CTBP1: variants seen among roughly 807,000 people sequenced by gnomAD.
CTBP1 encodes the protein C-terminal binding protein 1.
CTBP1 carries 11 observed loss-of-function variants against 42.1 expected under a neutral mutation model. That is an observed-to-expected ratio of 0.26 (90% CI 0.16 to 0.43). The LOEUF is 0.43. Among genes scored for constraint, CTBP1 ranks in the 20% least tolerant of loss-of-function variants. CTBP1 has a pLI of 1.00. For missense variants in CTBP1, 399 were observed against 624.3 expected, an observed-to-expected ratio of 0.64 and a Z score of 3.85; for synonymous variants, 324 against 277.1, an observed-to-expected ratio of 1.17 and a Z score of -1.68.
rs1308303470 is a variant in CTBP1, at chr4:1,248,811, G to C, written c.-189+105C>G. 3.8e-5 allele frequency: 35 copies of C among 928,414 alleles called. No homozygotes were observed. In the South Asian group the frequency reaches 7.4e-4, roughly 20 times the overall value. 57.5% of individuals were successfully genotyped at this position (928,414 alleles called of 1,614,324 possible). A position where few individuals can be genotyped will look rare whatever the true frequency, so the allele number is the denominator to read the frequency against. The stretch of plus-strand genomic sequence containing the variant: ...CGCGCACTCGCACACAAAGCCGGCG[G>C]CCCGCGGGCGCGCGCTCGGTCCGCC... On this transcript the variant is annotated intron_variant, in intron 1 of 9. Coordinates refer to ENST00000382952, the MANE Select transcript of CTBP1 (RefSeq NM_001012614.2).
At chr4:1,239,779 T>G (rs1027532308) in intron 2 of CTBP1, among the ~76,000 whole-genome samples, 3 of 152,186 alleles carry the variant, frequency 2.0e-5, no homozygotes, top group African/African-American at 7.2e-5. Context: ...CACTGGCCAT[T>G]CCACCCACTT....
intron 1 of CTBP1, among the ~76,000 whole-genome samples, chr4:1,246,688 G>A (rs1367564006): frequency 7.2e-5 from 11 of 152,214 alleles, no homozygotes. Flanking sequence ...GCAAGTGACA[G>A]TCAGAGGAGA....
intron 2 of CTBP1, among the ~76,000 whole-genome samples, chr4:1,239,300 C>T (rs1416482834): frequency 6.6e-6 from 1 of 152,198 alleles, no homozygotes; most frequent in Non-Finnish European, 1.5e-5. Flanking sequence ...GTCAGCCCCA[C>T]GGCAGCTGGG....
rs1731820545 is a variant in CTBP1 at position 1,238,568 on chromosome 4, C to G, written c.8-231G>C. On this transcript the variant is annotated intron_variant, in intron 2 of 9. Transcript: ENST00000382952. The surrounding 1 kb of genome is among the most constrained non-coding windows in gnomAD (Gnocchi z 5.9). ...ACAGACTGTGGACACCCACTACCAT[C>G]TCCCTTGGGCACAGGACCTCCGAGA... Among the ~76,000 whole-genome samples the G allele has an allele frequency of 6.6e-6, 1 of 152,112 alleles. No individual in the cohort carries two copies. Among genetic ancestry groups the G allele is most frequent in the South Asian group, 2.1e-4 (1 of 4,794 alleles).
intron 3 of CTBP1, among the ~76,000 whole-genome samples, chr4:1,229,982 G>A (rs1167519422): frequency 6.6e-6 from 1 of 152,196 alleles, no homozygotes; most frequent in Non-Finnish European, 1.5e-5. Flanking sequence ...CACCTCGGCT[G>A]CAGGAGGCAG....
chr4:1,249,833 C>T (rs1396718945), upstream of CTBP1: 3 of 211,580 alleles, frequency 1.4e-5, no homozygotes, highest in Non-Finnish European at 3.1e-5. Flanking sequence ...TGTAGCTAAC[C>T]AACGTCCTGA....
Position 1,214,464 on chromosome 4 carries a change from C to G in CTBP1, c.739G>C (p.Gly247Arg). The change falls in exon 7 of 10, where the codon GGG (glycine) becomes CGG (arginine). Residue 247 changes from glycine (G) to arginine (R), a missense_variant. Gly to Arg is a moderately radical substitution (Grantham distance 125). This residue lies in a region of CTBP1 where 309 missense variants were observed against 497.5 expected (regional missense o/e 0.62). Coordinates refer to ENST00000382952, the MANE Select transcript of CTBP1 (RefSeq NM_001012614.2). ...CGGGCTGTGTTCACCAGGAAGGCCC[C>G]TTGTCTCATCTAGAAGACATAAGGA... The part of the protein sequence containing the change: ...NDFTVKQMRQ[G>R]AFLVNTARGG... 1 of 1,588,060 alleles carries G rather than the reference C, an allele frequency of 6.3e-7. No homozygotes were observed. The highest frequency in any genetic ancestry group is 2.3e-5 in the East Asian group (1 of 42,608).
intron 1 of CTBP1, chr4:1,244,063 C>G: frequency 3.0e-6 from 3 of 985,432 alleles, no homozygotes; most frequent in Non-Finnish European, 3.6e-6. Flanking sequence ...GGGGCAGCAG[C>G]CCCCAGGTTC....
intron 1 of CTBP1, chr4:1,248,528 G>A (rs1733000205): frequency 3.4e-6 from 1 of 290,982 alleles, no homozygotes; most frequent in South Asian, 1.3e-4. Context: ...CCAGCCACGG[G>A]GTCATGACCG....
intron 5 of CTBP1, chr4:1,218,645 A>G (rs576427556): frequency 6.6e-6 from 1 of 152,290 alleles, no homozygotes; most frequent in South Asian, 2.1e-4. Context: ...TTTTCTGCAT[A>G]ATAGACGTGG....
At chr4:1,220,632 T>C (rs1665875140) in intron 5 of CTBP1, among the ~76,000 whole-genome samples, 1 of 152,178 alleles carries the variant, frequency 6.6e-6, no homozygotes, top group South Asian at 2.1e-4. Context: ...GCAGACAGCG[T>C]CACATGGGAG....
At chr4:1,228,452 T>A in intron 3 of CTBP1, 109 bp from the exon 4 acceptor site, 1 of 1,369,998 alleles carries the variant, frequency 7.3e-7, no homozygotes, top group Non-Finnish European at 1.0e-6. Flanking sequence ...CCCTCAGGCT[T>A]GTTCCCCAAG....
chr4:1,236,489 TG>T (rs1226356712), intron 3 of CTBP1: 1 of 596,080 alleles, frequency 1.7e-6, no homozygotes, highest in African/African-American at 1.8e-5. Context: ...ACCTGCTCTC[TG>T]GGAAAAAACT....
rs967365220 is a variant in CTBP1, at chr4:1,242,123, C to T, written c.-188-604G>A. 4 of 985,358 alleles carry T rather than the reference C, an allele frequency of 4.1e-6. No individual in the cohort carries two copies. The African/African-American group carries it at 5.2e-5, about 13-fold the overall frequency. The allele number at this position is 985,358 out of a possible 1,614,324, so 61.0% of individuals were successfully genotyped here. A position where few individuals can be genotyped will look rare whatever the true frequency, so the allele number is the denominator to read the frequency against. ...ATTCTCCCAAAAAAACTGCTCAGCT[C>T]TTCCTGACCGCTACGGCCAGGGCCT... On this transcript the variant is annotated intron_variant, in intron 1 of 9. Transcript: ENST00000382952.
intron 1 of CTBP1, among the ~76,000 whole-genome samples, chr4:1,247,618 C>A (rs1577087316): frequency 6.6e-6 from 1 of 152,206 alleles, no homozygotes; most frequent in East Asian, 1.9e-4. Flanking sequence ...CTGCCCCAAG[C>A]TGCAGACGGG....
At chr4:1,229,524 T>C (rs1433277521) in intron 3 of CTBP1, among the ~76,000 whole-genome samples, 1 of 152,194 alleles carries the variant, frequency 6.6e-6, no homozygotes, top group Non-Finnish European at 1.5e-5. Context: ...GACGGATCAA[T>C]GGCGCAGGCT....
chr4:1,240,163 C>T (rs1465085162), intron 2 of CTBP1, among the ~76,000 whole-genome samples: 1 of 150,992 alleles, frequency 6.6e-6, no homozygotes, highest in East Asian at 1.9e-4. Flanking sequence ...GGAACCGGGT[C>T]CCTCGTCAGA....
intron 3 of CTBP1, among the ~76,000 whole-genome samples, chr4:1,228,665 G>A (rs968192133): frequency 9.2e-5 from 14 of 152,268 alleles, no homozygotes; most frequent in African/African-American, 3.4e-4. Context: ...GCGCCCCACC[G>A]AGACTCTGCT....
intron 3 of CTBP1, chr4:1,234,671 T>C (rs920596784): frequency 6.6e-6 from 1 of 152,244 alleles, no homozygotes; most frequent in African/African-American, 2.4e-5. Context: ...TTGAGTATTG[T>C]TTACGACACC....
Sources: allele counts gnomAD v4.1 joint callset (sites outside exome capture counted in the v4.1 genomes callset), GRCh38; gene constraint gnomAD v4.1.1; regional missense constraint gnomAD v4.1.1; non-coding constraint Gnocchi (gnomAD v3.1); transcripts MANE v1.5; gene names NCBI Gene and HGNC (gene_info 2026-07-23, HGNC 2026-07-21).